PRIMPOL: variants seen among roughly 807,000 people sequenced by gnomAD.
PRIMPOL encodes the protein DNA-directed primase/polymerase protein.
Under a neutral mutation model 63.6 loss-of-function variants are expected in PRIMPOL, and 54 were observed. That is an observed-to-expected ratio of 0.85 (90% CI 0.68 to 1.07). The LOEUF (loss-of-function observed/expected upper bound fraction) is 1.07, where lower values mean the gene tolerates loss of function less well. Among genes scored for constraint, PRIMPOL ranks in the 50% least tolerant of loss-of-function variants. PRIMPOL has a pLI of 0.00. For missense variants in PRIMPOL, 610 were observed against 648.3 expected (o/e 0.94, Z 0.64); for synonymous variants, 197 against 220.2 (o/e 0.89, Z 0.93).
In PRIMPOL at chr4:184,657,209, G is replaced by C. The variant is rs111852106; in HGVS notation, c.69G>C (p.Pro23=). 1.9e-6 allele frequency: 3 copies of C among 1,613,256 alleles called. No individual in the cohort carries two copies. The South Asian group carries it at 3.3e-5, about 18-fold the overall frequency. The stretch of plus-strand genomic sequence containing the variant: ...GAGCATCTCATTATGAGAGGAAACC[G>C]TTGTCCTCAGTGTATAGACCAAGAT... The part of the protein sequence containing the change: ...EERASHYERK[P]LSSVYRPRLS... The change falls in exon 3 of 14, where the codon CCG becomes CCC. Residue 23 remains proline (P), a synonymous_variant. Transcript: ENST00000314970.
Position 184,660,060 on chromosome 4 carries a change from A to T in PRIMPOL, c.278+623A>T, listed in dbSNP as rs963734092. On this transcript the variant is annotated intron_variant, in intron 4 of 13. Coordinates refer to ENST00000314970, the MANE Select transcript of PRIMPOL (RefSeq NM_152683.4). ...GATCTTGAACTCCTGACCTCAGGTA[A>T]TCCACCCACCTCGGCCTCCCAAAGT... Among the ~76,000 whole-genome samples the T allele has an allele frequency of 1.3e-5, 2 of 151,730 alleles. 1 individual carries two copies. Among genetic ancestry groups the T allele is most frequent in the Non-Finnish European group, 2.9e-5 (2 of 68,000 alleles).
At chr4:184,661,376 T>C (rs765571616) in intron 4 of PRIMPOL, among the ~76,000 whole-genome samples, 2 of 152,212 alleles carry the variant, frequency 1.3e-5, no homozygotes, top group Non-Finnish European at 2.9e-5. Context: ...GTTAACACAG[T>C]ACTTGCAATG....
intron 11 of PRIMPOL, among the ~76,000 whole-genome samples, chr4:184,690,502 C>T (rs1052440204): frequency 1.3e-5 from 2 of 152,092 alleles, no homozygotes; most frequent in Non-Finnish European, 1.5e-5. Context: ...CACTGTCACC[C>T]GGGCTGGAGA....
intron 4 of PRIMPOL, among the ~76,000 whole-genome samples, chr4:184,661,405 T>C (rs1406599412): frequency 6.6e-6 from 1 of 152,118 alleles, no homozygotes; most frequent in Non-Finnish European, 1.5e-5. Context: ...ACTGCCATGA[T>C]TTAAAAGGTA....
chr4:184,693,472 T>G (rs114462716), intron 13 of PRIMPOL, among the ~76,000 whole-genome samples: 3,797 of 152,322 alleles, frequency 0.025, 79 homozygotes, highest in Middle Eastern at 0.048. Context: ...AGATATATAA[T>G]GAACACCCAT....
At chr4:184,667,459 T>G (rs533530014) in intron 6 of PRIMPOL, among the ~76,000 whole-genome samples, 12 of 152,100 alleles carry the variant, frequency 7.9e-5, no homozygotes, top group African/African-American at 2.9e-4. Flanking sequence ...TACAGGCGTG[T>G]GCCACCATGC....
chr4:184,665,873 A>T (rs1357561908), intron 5 of PRIMPOL, 44 bp from the exon 6 acceptor site: 3 of 1,375,938 alleles, frequency 2.2e-6, no homozygotes, highest in Non-Finnish European at 3.0e-6. Context: ...GAAAAATTTT[A>T]AAACAAAAAA....
chr4:184,667,358 T>C (rs982587782), intron 6 of PRIMPOL, among the ~76,000 whole-genome samples: 1 of 151,714 alleles, frequency 6.6e-6, no homozygotes, highest in Non-Finnish European at 1.5e-5. Context: ...TCGCCCAGGC[T>C]GGAGTGCAGT....
intron 3 of PRIMPOL, among the ~76,000 whole-genome samples, chr4:184,658,698 G>A (rs1747326498): frequency 6.6e-6 from 1 of 152,150 alleles, no homozygotes; most frequent in African/African-American, 2.4e-5. Context: ...TTTGAGGTCA[G>A]GAGTTCGAGA....
chr4:184,670,738 C>T (rs760856006), intron 6 of PRIMPOL, among the ~76,000 whole-genome samples: 39 of 151,758 alleles, frequency 2.6e-4, no homozygotes, highest in Non-Finnish European at 2.5e-4. Context: ...AGTAGAGACG[C>T]GGTTTCACCA....
chr4:184,687,356 C>T (rs1234164114), intron 11 of PRIMPOL, among the ~76,000 whole-genome samples: 2 of 152,026 alleles, frequency 1.3e-5, no homozygotes, highest in Non-Finnish European at 1.5e-5. Context: ...CAGGTGTGAG[C>T]CACCGCACCC....
At chr4:184,691,428 A>T (rs1160853868) in intron 11 of PRIMPOL, 71 bp from the exon 12 acceptor site, 6 of 861,910 alleles carry the variant, frequency 7.0e-6, no homozygotes, top group Non-Finnish European at 1.1e-5. Context: ...TTCTTGGAAC[A>T]GCATGCAGCT....
intron 11 of PRIMPOL, among the ~76,000 whole-genome samples, chr4:184,688,825 C>T (rs754487314): frequency 5.3e-5 from 8 of 152,122 alleles, no homozygotes; most frequent in African/African-American, 1.9e-4. Context: ...AGACGTTCCC[C>T]GATTTTCTTG....
chr4:184,674,191 A>G (rs1201993335), intron 7 of PRIMPOL, among the ~76,000 whole-genome samples: 1 of 152,196 alleles, frequency 6.6e-6, no homozygotes, highest in Admixed American at 6.5e-5. Flanking sequence ...CTCTTGATAC[A>G]TGTGCCTGGA....
At position 184,694,773 on chromosome 4, in the gene PRIMPOL, A is replaced by G. The variant is rs575622761; in HGVS notation, c.1677A>G (p.Gln559=). ...IPDELIIEVL[Q]E ...ATGAACTAATTATAGAAGTATTACA[A>G]GAGTAACTAATTCACTATGAACACT... Residue 559 remains glutamine (Q), a synonymous_variant, in exon 14 of 14, where the codon CAA becomes CAG. Coordinates refer to ENST00000314970, the MANE Select transcript of PRIMPOL (RefSeq NM_152683.4). The G allele has an allele frequency of 2.3e-5, 37 of 1,607,116 alleles. No individual in the cohort carries two copies. The highest frequency in any genetic ancestry group is 2.0e-5 in the Non-Finnish European group (23 of 1,173,956).
chr4:184,692,697 A>G (rs1266881463), intron 13 of PRIMPOL, among the ~76,000 whole-genome samples: 1 of 151,764 alleles, frequency 6.6e-6, no homozygotes, highest in Admixed American at 6.6e-5. Flanking sequence ...TTTAGTACCT[A>G]TTATCAAATT....
chr4:184,671,967 C>T (rs1239193698), intron 6 of PRIMPOL, among the ~76,000 whole-genome samples: 1 of 151,890 alleles, frequency 6.6e-6, no homozygotes, highest in Non-Finnish European at 1.5e-5. Context: ...GTCTCGATCT[C>T]CCGACCTTGT....
Position 184,694,787 on chromosome 4 carries a change from A to G in PRIMPOL, c.*8A>G. ...GAAGTATTACAAGAGTAACTAATTC[A>G]CTATGAACACTTTTGTCACCAGGCT... On this transcript the variant is annotated 3_prime_UTR_variant, in exon 14 of 14. Transcript: ENST00000314970. 6.3e-7 allele frequency: 1 copy of G among 1,596,438 alleles called. No homozygotes were observed. The highest frequency in any genetic ancestry group is 8.6e-7 in the Non-Finnish European group (1 of 1,165,384).
At chr4:184,663,471 G>A (rs1748976132) in intron 5 of PRIMPOL, among the ~76,000 whole-genome samples, 1 of 152,126 alleles carries the variant, frequency 6.6e-6, no homozygotes, top group Admixed American at 6.5e-5. Flanking sequence ...ACTTAACATT[G>A]CATATTAGCA....
Sources: allele counts gnomAD v4.1 joint callset (sites outside exome capture counted in the v4.1 genomes callset), GRCh38; gene constraint gnomAD v4.1.1; transcripts MANE v1.5; gene names NCBI Gene and HGNC (gene_info 2026-07-23, HGNC 2026-07-21).